TRIOBP: variants seen among roughly 807,000 people sequenced by gnomAD.
TRIOBP encodes the protein TRIO and F-actin binding protein, also known as TRIO and F-actin-binding protein.
A neutral mutation model predicts 238.8 loss-of-function variants in TRIOBP; 169 were observed. The observed-to-expected ratio is 0.71, with a 90% CI of 0.62 to 0.80. TRIOBP has a LOEUF of 0.80. TRIOBP is among the 30% of genes least tolerant of loss of function. The probability of loss-of-function intolerance (pLI) is 0.00; values close to 1 mark genes in which losing one functional copy is unlikely to be tolerated. For synonymous variants in TRIOBP, 1,150 were observed against 1,274.4 expected (o/e 0.90, Z 2.08); for missense variants, 2,838 against 3,122.6 (o/e 0.91, Z 2.17).
intron 11 of TRIOBP, among the ~76,000 whole-genome samples, chr22:37,743,828 T>G (rs549308961): frequency 6.4e-5 from 8 of 124,596 alleles, no homozygotes; most frequent in Non-Finnish European, 1.3e-4. Context: ...TGTGTGTGTG[T>G]GTGTGTGTGT....
intron 17 of TRIOBP, among the ~76,000 whole-genome samples, chr22:37,762,778 C>A (rs1926309441): frequency 6.6e-6 from 1 of 152,090 alleles, no homozygotes; most frequent in African/African-American, 2.4e-5. Flanking sequence ...TTCGGTGGAC[C>A]TGGAGGAGTG....
At chr22:37,700,960 G>A (rs1019512855) in intron 2 of TRIOBP, among the ~76,000 whole-genome samples, 7 of 152,306 alleles carry the variant, frequency 4.6e-5, no homozygotes, top group African/African-American at 1.7e-4. Context: ...CCAAAGTGCT[G>A]GGATTACAGG....
At chr22:37,737,737 T>C (rs761869272) in intron 9 of TRIOBP, among the ~76,000 whole-genome samples, 4 of 151,916 alleles carry the variant, frequency 2.6e-5, no homozygotes, top group Non-Finnish European at 5.9e-5. Context: ...ATTTGCCTCA[T>C]TGGTGCTGAG....
chr22:37,734,377 TAC>T lies in TRIOBP; in HGVS notation c.4063-21_4063-20del, dbSNP rs1491267917. The stretch of plus-strand genomic sequence containing the variant: ...AGGTCCCCAGAGAGAGAGCCTCACC[TAC>T]CCCCTCACCTCATCCCCAGGTGACC... On this transcript the variant is annotated intron_variant, in intron 8 of 23. Coordinates refer to ENST00000644935, the MANE Select transcript of TRIOBP (RefSeq NM_001039141.3). The T allele has an allele frequency of 6.2e-7, 1 of 1,608,016 alleles. No individual in the cohort carries two copies. The highest frequency in any genetic ancestry group is 2.2e-5 in the East Asian group (1 of 44,792).
chr22:37,725,689 C>T lies in TRIOBP; in HGVS notation c.3133C>T (p.Arg1045Cys), dbSNP rs145115226. ...CCCCTTCCCCTTCTTCCCAGAGCCCCGCGCCCCTGAGAGTGAACCGCCCCA... is the reference window on the plus strand; with the variant it reads ...CCCCTTCCCCTTCTTCCCAGAGCCCTGCGCCCCTGAGAGTGAACCGCCCCA... ...HDPFPFFPEP[R>C]APESEPPHHE... The change falls in exon 7 of 24, where the codon CGC becomes TGC. Residue 1045 changes from arginine (R) to cysteine (C), a missense_variant. Arg to Cys is a radical substitution (Grantham distance 180). Around this residue, in one of 5 missense-constraint regions of TRIOBP, gnomAD observed 2,096 missense variants for 2,137.4 expected, o/e 0.98. Coordinates refer to ENST00000644935, the MANE Select transcript of TRIOBP (RefSeq NM_001039141.3). The T allele has an allele frequency of 1.2e-4, 188 of 1,613,048 alleles. 4 individuals are homozygous for T. The African/African-American group carries it at 1.7e-3, about 14-fold the overall frequency.
At chr22:37,757,099 C>T (rs565208996) in intron 15 of TRIOBP, among the ~76,000 whole-genome samples, 5 of 152,274 alleles carry the variant, frequency 3.3e-5, no homozygotes, top group Non-Finnish European at 4.4e-5. Context: ...TGGTGGTTCA[C>T]GCCTGTAATC....
chr22:37,767,301 T>G, intron 18 of TRIOBP, among the ~76,000 whole-genome samples: 1 of 15,434 alleles, frequency 6.5e-5, no homozygotes, highest in African/African-American at 3.0e-4. Flanking sequence ...TGAGACTCTG[T>G]CTCAAAAAAA....
intron 6 of TRIOBP, among the ~76,000 whole-genome samples, chr22:37,720,896 C>T (rs2145829933): frequency 6.6e-6 from 1 of 152,196 alleles, no homozygotes; most frequent in East Asian, 1.9e-4. Context: ...CTCGCTCTGT[C>T]ACCCAGGCTG....
chr22:37,738,974 A>G (rs921181702), intron 10 of TRIOBP, among the ~76,000 whole-genome samples: 2 of 151,994 alleles, frequency 1.3e-5, no homozygotes, highest in Non-Finnish European at 2.9e-5. Context: ...TGGGACTGAA[A>G]AGGTCAATGT....
chr22:37,751,429 G>A (rs769525856), intron 11 of TRIOBP: 2 of 401,902 alleles, frequency 5.0e-6, no homozygotes, highest in South Asian at 2.1e-5. Flanking sequence ...AGCTCTCAGG[G>A]GGTCTCTATG....
intron 4 of TRIOBP, among the ~76,000 whole-genome samples, chr22:37,710,798 C>T (rs1458492783): frequency 1.3e-5 from 2 of 152,198 alleles, no homozygotes; most frequent in African/African-American, 2.4e-5. Flanking sequence ...GCCTCCCCTC[C>T]CCAGTCCTGG....
intron 11 of TRIOBP, among the ~76,000 whole-genome samples, chr22:37,748,896 G>GC (rs1444900149): frequency 2.0e-5 from 3 of 152,170 alleles, no homozygotes; most frequent in African/African-American, 7.2e-5. Flanking sequence ...AGTGTTTCAG[G>GC]CCAAGGACAT....
At chr22:37,716,593 C>T (rs1433787588) in intron 6 of TRIOBP, among the ~76,000 whole-genome samples, 1 of 152,158 alleles carries the variant, frequency 6.6e-6, no homozygotes, top group South Asian at 2.1e-4. Context: ...CCACACGTGG[C>T]TAATTTGTGT....
rs376534268 is a variant in TRIOBP at position 37,755,627 on chromosome 22, C to A, written c.5655C>A (p.Thr1885=). ...RRNWIEALRK[T]VRPTSAPDVT... is the part of the protein sequence containing the mutation. ...ACTGGATCGAGGCTCTGAGAAAGAC[C>A]GTACGTCCAACTTCAGCCCCAGATG... is the stretch of plus-strand genomic sequence containing the variant. The change falls in exon 15 of 24, where the codon ACC becomes ACA. Residue 1885 remains threonine, a synonymous_variant. Coordinates refer to ENST00000644935, the MANE Select transcript of TRIOBP (RefSeq NM_001039141.3). 3.7e-6 allele frequency: 6 copies of A among 1,613,942 alleles called. No homozygotes were observed. The East Asian group carries it at 1.3e-4, about 36-fold the overall frequency.
At chr22:37,710,222 G>A (rs767595487) in intron 3 of TRIOBP, among the ~76,000 whole-genome samples, 2 of 152,214 alleles carry the variant, frequency 1.3e-5, no homozygotes, top group Non-Finnish European at 2.9e-5. Flanking sequence ...GTACACTCAC[G>A]TGTGCAGGCA....
chr22:37,772,458 C>T, intron 22 of TRIOBP, 143 bp from the exon 23 acceptor site: 1 of 1,135,566 alleles, frequency 8.8e-7, no homozygotes, highest in South Asian at 1.3e-5. Flanking sequence ...AAGCCCAGAA[C>T]CCACGGCCAT....
intron 11 of TRIOBP, among the ~76,000 whole-genome samples, chr22:37,743,842 T>TGCGCGC (rs1555898394): frequency 8.7e-6 from 1 of 115,186 alleles, no homozygotes; most frequent in South Asian, 2.9e-4. Flanking sequence ...TGTGTGTGTG[T>TGCGCGC]GTGCTGGGTG....
chr22:37,713,853 A>G (rs1021785772), intron 5 of TRIOBP, among the ~76,000 whole-genome samples: 19 of 152,192 alleles, frequency 1.2e-4, no homozygotes, highest in African/African-American at 4.3e-4. Context: ...TGCGGGGGTC[A>G]TTTAACCACG....
chr22:37,766,813 T>A lies in TRIOBP; in HGVS notation c.6472+996T>A, dbSNP rs989573633. ...CCATCTCTACTAAAAATACAAAAAT[T>A]AGCTGGGCGTGATGGTGGGCAGCTG... On this transcript the variant is annotated intron_variant, in intron 18 of 23. Transcript: ENST00000644935. Among the ~76,000 whole-genome samples the A allele has an allele frequency of 6.6e-5, 10 of 151,410 alleles. No individual in the cohort carries two copies. The East Asian group carries it at 1.8e-3, about 27-fold the overall frequency.
Sources: gnomAD v4.1 joint callset for allele counts (sites outside exome capture counted in the v4.1 genomes callset) on GRCh38, gnomAD v4.1.1 for gene constraint, gnomAD v4.1.1 regional missense constraint, MANE v1.5 for transcripts, NCBI Gene and HGNC (gene_info 2026-07-23, HGNC 2026-07-21) for gene names.